The following C4orf36 variants were observed in gnomAD, a reference collection of about 807,000 sequenced individuals.
C4orf36 encodes the protein uncharacterized protein C4orf36.
Under a neutral mutation model 12.2 loss-of-function variants are expected in C4orf36, and 11 were observed. The ratio of observed to expected loss-of-function variants is 0.90; its 90% CI spans 0.57 to 1.49. C4orf36 has a LOEUF of 1.49. Ranked by LOEUF, C4orf36 falls within the 40% of genes most tolerant of loss-of-function variation. The probability of loss-of-function intolerance (pLI) is 0.00; values close to 1 mark genes in which losing one functional copy is unlikely to be tolerated. For missense variants in C4orf36, 137 were observed against 133.9 expected (o/e 1.02, Z -0.11); for synonymous variants, 54 against 51.3 (o/e 1.05, Z -0.22).
intron 2 of C4orf36, chr4:86,890,237 GGA>G: frequency 2.7e-6 from 1 of 372,282 alleles, no homozygotes; most frequent in Non-Finnish European, 5.5e-6. Context: ...AAGGAAGGAA[GGA>G]AACTGAGGTG....
chr4:86,911,280 A>T, the C4orf36 span, among the ~76,000 whole-genome samples: 1 of 152,102 alleles, frequency 6.6e-6, no homozygotes, highest in Non-Finnish European at 1.5e-5. Flanking sequence ...CAGTGGTGAG[A>T]TCCCAGCCTT....
At chr4:86,922,161 G>C in the C4orf36 span, among the ~76,000 whole-genome samples, 6 of 152,198 alleles carry the variant, frequency 3.9e-5, no homozygotes, top group East Asian at 1.2e-3. Flanking sequence ...ATGGAAAATG[G>C]TCTAACCACA....
the C4orf36 span, chr4:86,926,375 T>C: frequency 2.6e-5 from 4 of 152,234 alleles, no homozygotes; most frequent in Non-Finnish European, 5.9e-5. Context: ...CAGGGTGGTC[T>C]AGTGTTGGTG....
At chr4:86,911,187 G>C in the C4orf36 span, among the ~76,000 whole-genome samples, 1 of 152,222 alleles carries the variant, frequency 6.6e-6, no homozygotes, top group Non-Finnish European at 1.5e-5. Flanking sequence ...CAGCTGTGGG[G>C]AAGTGGAGGC....
chr4:86,930,678 C>T, the C4orf36 span, among the ~76,000 whole-genome samples: 1 of 152,150 alleles, frequency 6.6e-6, no homozygotes, highest in African/African-American at 2.4e-5. Flanking sequence ...ATCAGTTGAA[C>T]AATACAACTA....
intron 4 of C4orf36, chr4:86,886,550 A>G (rs1747182737): frequency 6.6e-6 from 1 of 152,256 alleles, no homozygotes; most frequent in African/African-American, 2.4e-5. Flanking sequence ...ATGCAAATCA[A>G]AACCACAATG....
At position 86,888,129 on chromosome 4, in the gene C4orf36, G is replaced by C. The variant is rs748132178; in HGVS notation, c.212C>G (p.Ser71Cys). Residue 71 changes from serine (S) to cysteine (C), a missense_variant, in exon 3 of 5, where the codon TCT becomes TGT. By Grantham distance (112) the Ser-to-Cys change is moderately radical. Coordinates refer to ENST00000295898, the MANE Select transcript of C4orf36 (RefSeq NM_144645.4). Reference sequence around the variant, plus strand: ...GAACTTAAGGAACTTACATTCTGCAGAAGGGAGCAGTCCATCTTTAATGGT... The same window carrying C: ...GAACTTAAGGAACTTACATTCTGCACAAGGGAGCAGTCCATCTTTAATGGT... Reference protein sequence around the residue: ...CTTIKDGLLPSAESIKLEREY... With the variant: ...CTTIKDGLLPCAESIKLEREY... 5.3e-5 allele frequency: 86 copies of C among 1,612,634 alleles called. No individual in the cohort carries two copies. Among genetic ancestry groups the C allele is most frequent in the Non-Finnish European group, 7.2e-5 (85 of 1,179,564 alleles).
At chr4:86,908,866 A>G in the C4orf36 span, among the ~76,000 whole-genome samples, 4 of 152,280 alleles carry the variant, frequency 2.6e-5, no homozygotes, top group Non-Finnish European at 4.4e-5. Flanking sequence ...CAGGTGGGCA[A>G]GTTCCAGTGT....
At chr4:86,888,560 T>C (rs1167415082) in intron 2 of C4orf36, among the ~76,000 whole-genome samples, 2 of 152,202 alleles carry the variant, frequency 1.3e-5, no homozygotes, top group Non-Finnish European at 2.9e-5. Context: ...AGGATGTAGA[T>C]AAGAACTGTA....
upstream of C4orf36, among the ~76,000 whole-genome samples, chr4:86,893,218 TG>T (rs1747496882): frequency 6.6e-6 from 1 of 152,020 alleles, no homozygotes; most frequent in Non-Finnish European, 1.5e-5. Context: ...GAGTTCAGGG[TG>T]GTTAAAGGGC....
chr4:86,884,330 G>A (rs781154299), intron 4 of C4orf36, among the ~76,000 whole-genome samples: 88 of 125,166 alleles, frequency 7.0e-4, no homozygotes, highest in Middle Eastern at 6.0e-3. Context: ...TTTGAGACAC[G>A]TTCTCACTCT....
chr4:86,891,380 G>T, intron 2 of C4orf36, 76 bp downstream of exon 2: 1 of 1,360,298 alleles, frequency 7.4e-7, no homozygotes, highest in Non-Finnish European at 1.0e-6. Context: ...AGAGTGTCCA[G>T]TCCTTTTATT....
At chr4:86,934,037 CAAAATT>C in the C4orf36 span, among the ~76,000 whole-genome samples, 1 of 152,114 alleles carries the variant, frequency 6.6e-6, no homozygotes, top group South Asian at 2.1e-4. Flanking sequence ...TAGAGACAAA[CAAAATT>C]AAAAAGAGAA....
the C4orf36 span, among the ~76,000 whole-genome samples, chr4:86,905,164 G>C: frequency 6.6e-6 from 1 of 151,836 alleles, no homozygotes; most frequent in Admixed American, 6.6e-5. Flanking sequence ...TTTGAGGTCA[G>C]GAGTTTGAGA....
At chr4:86,889,050 C>T (rs1747289270) in intron 2 of C4orf36, among the ~76,000 whole-genome samples, 1 of 151,986 alleles carries the variant, frequency 6.6e-6, no homozygotes, top group African/African-American at 2.4e-5. Flanking sequence ...TTTAAACAAA[C>T]AAACAAAAAA....
chr4:86,897,766 G>A, the C4orf36 span, among the ~76,000 whole-genome samples: 1 of 152,154 alleles, frequency 6.6e-6, no homozygotes, highest in Non-Finnish European at 1.5e-5. Context: ...TATAGCATGT[G>A]ATTTACAGCC....
At chr4:86,919,110 C>T in the C4orf36 span, among the ~76,000 whole-genome samples, 2 of 124,700 alleles carry the variant, frequency 1.6e-5, no homozygotes, top group East Asian at 4.5e-4. Context: ...GGAGAGTATC[C>T]CAGCTCCAGG....
the C4orf36 span, among the ~76,000 whole-genome samples, chr4:86,915,072 T>C: frequency 6.6e-6 from 1 of 152,062 alleles, no homozygotes; most frequent in African/African-American, 2.4e-5. Context: ...CCTCTTTCAT[T>C]CCCTCCCCAT....
the C4orf36 span, among the ~76,000 whole-genome samples, chr4:86,916,830 T>G: frequency 6.6e-6 from 1 of 152,232 alleles, no homozygotes; most frequent in Admixed American, 6.5e-5. Context: ...AGCAGTGAAC[T>G]CATGTCTATA....
Sources: gnomAD v4.1 joint callset for allele counts (sites outside exome capture counted in the v4.1 genomes callset) on GRCh38, gnomAD v4.1.1 for gene constraint, MANE v1.5 for transcripts, NCBI Gene and HGNC (gene_info 2026-07-23, HGNC 2026-07-21) for gene names.